AFP: variants seen among roughly 807,000 people sequenced by gnomAD.
AFP encodes the protein alpha-fetoprotein.
A neutral mutation model predicts 78.9 loss-of-function variants in AFP; 64 were observed. The observed-to-expected ratio is 0.81, with a 90% CI of 0.66 to 1.00. The LOEUF is 1.00. Ranked by LOEUF, AFP falls within the 50% of genes least tolerant of loss-of-function variation. The pLI, the probability that AFP is intolerant of heterozygous loss-of-function variation, is 0.00. For synonymous variants in AFP, 254 were observed against 243.8 expected (o/e 1.04, Z -0.39); for missense variants, 689 against 703.8 (o/e 0.98, Z 0.24).
At position 73,447,585 on chromosome 4, in the gene AFP, C is replaced by A; in HGVS notation, c.967C>A (p.Pro323Thr). Reference protein sequence around the residue: ...CIIHAENDEKPEGLSPNLNRF... With the variant: ...CIIHAENDEKTEGLSPNLNRF... ...AATTCATGCAGAAAATGATGAAAAA[C>A]CTGAAGGTCTATCTCCAAATCTAAA... The change falls in exon 8 of 15, where the codon CCT becomes ACT. Residue 323 changes from proline to threonine, a missense_variant. By Grantham distance (38) the Pro-to-Thr change is conservative. Transcript: ENST00000395792. 1 of 1,612,214 alleles carries A rather than the reference C, an allele frequency of 6.2e-7. No individual in the cohort carries two copies. The highest frequency in any genetic ancestry group is 1.3e-5 in the African/African-American group (1 of 74,902).
In AFP at chr4:73,442,278, C is replaced by T. The variant is rs367801695; in HGVS notation, c.483-18C>T. The T allele has an allele frequency of 1.2e-6, 2 of 1,609,920 alleles. No homozygotes were observed. Among genetic ancestry groups the T allele is most frequent in the African/African-American group, 2.7e-5 (2 of 74,960 alleles). On this transcript the variant is annotated intron_variant, in intron 4 of 14. Transcript: ENST00000395792. ...TTTTAGGTGTTTATAAATCTTCTAG[C>T]TCTATTTTATTTCACAGATTCATTT...
At chr4:73,451,618 G>A (rs1380603205) in intron 11 of AFP, among the ~76,000 whole-genome samples, 1 of 152,222 alleles carries the variant, frequency 6.6e-6, no homozygotes, top group Non-Finnish European at 1.5e-5. Flanking sequence ...GAGGCCACCA[G>A]CCAACAACCG....
rs544675801 is a variant in AFP, at chr4:73,442,133, A to C, written c.483-163A>C. ...GGAAAATTTTGACAACATGTGGAAA[A>C]AATATGATGATTTTCCCCTTAGGAA... On this transcript the variant is annotated intron_variant, in intron 4 of 14. Transcript: ENST00000395792. Among the ~76,000 whole-genome samples the C allele has an allele frequency of 5.6e-4, 85 of 152,304 alleles. 1 individual carries two copies. The highest frequency in any genetic ancestry group is 3.4e-3 in the Middle Eastern group (1 of 294).
At chr4:73,449,241 A>C (rs986121502) in intron 8 of AFP, 94 bp from the exon 9 acceptor site, 1 of 1,137,816 alleles carries the variant, frequency 8.8e-7, no homozygotes, top group Non-Finnish European at 1.3e-6. Flanking sequence ...TTTAACTTCC[A>C]CATGCCATAT....
intron 14 of AFP, 75 bp from the exon 15 acceptor site, chr4:73,455,556 T>TA (rs2149337720): frequency 3.0e-6 from 2 of 660,366 alleles, no homozygotes; most frequent in South Asian, 3.4e-5. Flanking sequence ...TTCTCTGATA[T>TA]AAAATAATAG....
intron 3 of AFP, among the ~76,000 whole-genome samples, chr4:73,438,801 C>T (rs1719584061): frequency 6.6e-6 from 1 of 152,114 alleles, no homozygotes; most frequent in African/African-American, 2.4e-5. Context: ...TCAAGAGATG[C>T]TGGCTCGGGC....
rs767405050 is a variant in AFP, at chr4:73,443,377, A to G, written c.646A>G (p.Ser216Gly). 2 of 1,613,824 alleles carry G rather than the reference A, an allele frequency of 1.2e-6. No individual in the cohort carries two copies. The highest frequency in any genetic ancestry group is 2.2e-5 in the South Asian group (2 of 91,064). Residue 216 changes from serine to glycine, a missense_variant, in exon 6 of 15, where the codon AGC (serine) becomes GGC (glycine). By Grantham distance (56) the Ser-to-Gly change is moderately conservative. Coordinates refer to ENST00000395792, the MANE Select transcript of AFP (RefSeq NM_001134.3). ...AACAGTTACAAAAGAATTAAGAGAA[A>G]GCAGCTTGTTAAATCAACATGCATG... ...AATVTKELRE[S>G]SLLNQHACAV... is the part of the protein sequence containing the mutation.
intron 8 of AFP, among the ~76,000 whole-genome samples, chr4:73,449,030 A>C (rs1719910730): frequency 6.6e-6 from 1 of 152,112 alleles, no homozygotes; most frequent in South Asian, 2.1e-4. Flanking sequence ...GCTTAAAGCA[A>C]TGCTAGCAAA....
At chr4:73,446,073 G>A (rs532012370) in intron 7 of AFP, among the ~76,000 whole-genome samples, 3 of 152,296 alleles carry the variant, frequency 2.0e-5, no homozygotes, top group South Asian at 2.1e-4. Context: ...CAGCCCATCC[G>A]ATGGCAATTC....
At chr4:73,442,273 T>A (rs1428701387) in intron 4 of AFP, 23 bp from the exon 5 acceptor site, 16 of 1,608,572 alleles carry the variant, frequency 9.9e-6, no homozygotes, top group Admixed American at 1.7e-5. Flanking sequence ...TTATAAATCT[T>A]CTAGCTCTAT....
chr4:73,453,177 T>A (rs1246123206), intron 12 of AFP, among the ~76,000 whole-genome samples: 1 of 152,222 alleles, frequency 6.6e-6, no homozygotes, highest in Admixed American at 6.5e-5. Context: ...TCACTTGTTT[T>A]GTAAATAGTC....
At chr4:73,453,705 G>A (rs1051973665) in intron 12 of AFP, 60 bp from the exon 13 acceptor site, 4 of 1,590,722 alleles carry the variant, frequency 2.5e-6, no homozygotes, top group Admixed American at 1.7e-5. Flanking sequence ...TAGGAAGGCT[G>A]TAGAAAAATA....
chr4:73,438,311 G>A lies in AFP; in HGVS notation c.270+5G>A, dbSNP rs1486139229. 3.7e-6 allele frequency: 6 copies of A among 1,609,774 alleles called. No individual in the cohort carries two copies. In the African/African-American group the frequency reaches 4.0e-5, roughly 11 times the overall value. On this transcript the variant is annotated splice_donor_5th_base_variant and intron_variant, in intron 3 of 14. Transcript: ENST00000395792. ...TCAGGGTGTTTAGAAAACCAGGTGAGTGAATAATTTTAAAAAAGCATTGTG... is the reference window on the plus strand; with the variant it reads ...TCAGGGTGTTTAGAAAACCAGGTGAATGAATAATTTTAAAAAAGCATTGTG...
intron 11 of AFP, 94 bp downstream of exon 11, chr4:73,450,847 A>G (rs930037498): frequency 1.3e-6 from 2 of 1,597,928 alleles, no homozygotes; most frequent in African/African-American, 2.7e-5. Context: ...GGTAAAAACC[A>G]ATGTAGAGAT....
At chr4:73,436,586 A>G (rs918796925) in intron 1 of AFP, among the ~76,000 whole-genome samples, 2 of 151,688 alleles carry the variant, frequency 1.3e-5, no homozygotes, top group Admixed American at 6.6e-5. Flanking sequence ...ATTAATTTTT[A>G]CACTTCAATG....
In AFP at chr4:73,447,668, C is replaced by T; in HGVS notation, c.1050C>T (p.Phe350=). 6.2e-7 allele frequency: 1 copy of T among 1,607,944 alleles called. No homozygotes were observed. The highest frequency in any genetic ancestry group is 1.3e-5 in the African/African-American group (1 of 74,860). The stretch of plus-strand genomic sequence containing the variant: ...TTTCTTCAGGGGAAAAAAATATCTT[C>T]TTGGCAAGGTAACACACTCTGTAAA... ...NQFSSGEKNI[F]LASFVHEYSR... is the part of the protein sequence containing the mutation. The change falls in exon 8 of 15, where the codon TTC becomes TTT. Residue 350 remains phenylalanine, a synonymous_variant. Transcript: ENST00000395792.
At chr4:73,441,048 A>G (rs1008667004) in intron 4 of AFP, among the ~76,000 whole-genome samples, 3 of 152,050 alleles carry the variant, frequency 2.0e-5, no homozygotes, top group Non-Finnish European at 4.4e-5. Flanking sequence ...CAGAGGTTCC[A>G]TTAGTCCCTT....
At chr4:73,438,544 T>C (rs1054203047) in intron 3 of AFP, among the ~76,000 whole-genome samples, 4 of 152,126 alleles carry the variant, frequency 2.6e-5, no homozygotes, top group Non-Finnish European at 5.9e-5. Context: ...TAAGATTATC[T>C]TGATGACTAT....
intron 8 of AFP, 33 bp downstream of exon 8, chr4:73,447,709 G>T: frequency 1.3e-6 from 2 of 1,523,668 alleles, no homozygotes; most frequent in South Asian, 1.1e-5. Flanking sequence ...GTTCATGCAA[G>T]TAAAAATGAT....
Sources: gnomAD v4.1 joint callset for allele counts (sites outside exome capture counted in the v4.1 genomes callset) on GRCh38, gnomAD v4.1.1 for gene constraint, MANE v1.5 for transcripts, NCBI Gene and HGNC (gene_info 2026-07-23, HGNC 2026-07-21) for gene names.